NUP153: variants seen among roughly 807,000 people sequenced by gnomAD.
NUP153 encodes nuclear pore complex protein Nup153.
Under a neutral mutation model 134.6 loss-of-function variants are expected in NUP153, and 27 were observed. The observed-to-expected ratio is 0.20, with a 90% CI of 0.15 to 0.28. The LOEUF (loss-of-function observed/expected upper bound fraction) is 0.28. NUP153 is among the 10% of genes least tolerant of loss of function. The pLI is 1.00. For missense variants in NUP153, 1,821 were observed against 1,731.3 expected (o/e 1.05, Z -0.92); for synonymous variants, 640 against 623.5 (o/e 1.03, Z -0.40).
At chr6:17,687,145 A>C (rs531570720) in intron 2 of NUP153, among the ~76,000 whole-genome samples, 33 of 152,182 alleles carry the variant, frequency 2.2e-4, no homozygotes, top group Non-Finnish European at 4.1e-4. Context: ...AGAATAAGAA[A>C]CTCTCCATGT....
At chr6:17,705,837 G>GC (rs373891082) in intron 1 of NUP153, among the ~76,000 whole-genome samples, 9 of 151,810 alleles carry the variant, frequency 5.9e-5, no homozygotes, top group East Asian at 1.9e-4. Flanking sequence ...CCAAGGGGCA[G>GC]CCCCCCCTCC....
At position 17,665,365 on chromosome 6, in the gene NUP153, A is replaced by T. The variant is rs1243578647; in HGVS notation, c.1089T>A (p.Pro363=). ...GCTTTGGGGTCATAAGTCTCTGAACAGGAGGATATTGAGAATCCACCTTAC... is the reference window on the plus strand; with the variant it reads ...GCTTTGGGGTCATAAGTCTCTGAACTGGAGGATATTGAGAATCCACCTTAC... ...KREKVDSQYP[P]VQRLMTPKPV... The change falls in exon 9 of 22, where the codon CCT becomes CCA. Residue 363 remains proline, a synonymous_variant. Transcript: ENST00000262077. 1.2e-6 allele frequency: 2 copies of T among 1,612,560 alleles called. No individual in the cohort carries two copies. Among genetic ancestry groups the T allele is most frequent in the African/African-American group, 2.7e-5 (2 of 74,894 alleles).
chr6:17,672,013 T>TA (rs150640243), intron 5 of NUP153, among the ~76,000 whole-genome samples: 2,557 of 151,184 alleles, frequency 0.017, 77 homozygotes, highest in African/African-American at 0.058. Context: ...ATCTAAAAAA[T>TA]AAAAAAAGCA....
chr6:17,632,460 C>A (rs1408253134), intron 17 of NUP153, among the ~76,000 whole-genome samples, 190 bp downstream of exon 17: 1 of 152,098 alleles, frequency 6.6e-6, no homozygotes, highest in Non-Finnish European at 1.5e-5. Context: ...TCACTGTTGA[C>A]AAGCAACTAA....
At chr6:17,699,497 AG>A (rs1479047454) in intron 1 of NUP153, among the ~76,000 whole-genome samples, 1 of 148,880 alleles carries the variant, frequency 6.7e-6, no homozygotes, top group Non-Finnish European at 1.5e-5. Context: ...AAAAAAAAAA[AG>A]AAAATACAAG....
At chr6:17,631,490 C>T (rs2113776019) in intron 17 of NUP153, among the ~76,000 whole-genome samples, 1 of 152,330 alleles carries the variant, frequency 6.6e-6, no homozygotes, top group South Asian at 2.1e-4. Flanking sequence ...ATTAATTTCT[C>T]ATCATCTACC....
intron 1 of NUP153, among the ~76,000 whole-genome samples, chr6:17,705,971 TAAAG>T (rs1770461775): frequency 6.6e-6 from 1 of 151,972 alleles, no homozygotes; most frequent in African/African-American, 2.4e-5. Flanking sequence ...CGCCAAAAAA[TAAAG>T]AAACGCGCGC....
At chr6:17,685,126 T>G (rs1295087583) in intron 2 of NUP153, among the ~76,000 whole-genome samples, 2 of 152,224 alleles carry the variant, frequency 1.3e-5, no homozygotes, top group East Asian at 1.9e-4. Context: ...ATGTGCAAAG[T>G]GCAATAAAAT....
chr6:17,622,248 GAGAC>G (rs1478052556), intron 20 of NUP153, among the ~76,000 whole-genome samples: 4 of 152,122 alleles, frequency 2.6e-5, no homozygotes, highest in Non-Finnish European at 5.9e-5. Flanking sequence ...TCGGGAGTTA[GAGAC>G]CAGCCTGGAT....
intron 7 of NUP153, 123 bp from the exon 8 acceptor site, chr6:17,669,151 TCA>T: frequency 1.0e-6 from 1 of 988,250 alleles, no homozygotes; most frequent in Non-Finnish European, 1.5e-6. Flanking sequence ...CGATCTTGAC[TCA>T]CTGCAACCTC....
intron 8 of NUP153, 108 bp downstream of exon 8, chr6:17,668,867 C>A: frequency 2.8e-6 from 2 of 704,032 alleles, no homozygotes; most frequent in Non-Finnish European, 4.7e-6. Context: ...TATTATTTTT[C>A]AAACATGTTC....
chr6:17,705,585 T>TGGGG (rs200771105), intron 1 of NUP153, among the ~76,000 whole-genome samples: 2 of 40,140 alleles, frequency 5.0e-5, no homozygotes, highest in African/African-American at 9.6e-5. Flanking sequence ...GTGGCGGTGT[T>TGGGG]GGGGGGGGGG....
At chr6:17,677,483 T>A (rs1768290569) in intron 2 of NUP153, among the ~76,000 whole-genome samples, 1 of 152,234 alleles carries the variant, frequency 6.6e-6, no homozygotes, top group African/African-American at 2.4e-5. Flanking sequence ...CTTAAAACAT[T>A]TAGCATTACA....
intron 11 of NUP153, among the ~76,000 whole-genome samples, chr6:17,656,928 G>C (rs942745423): frequency 6.6e-6 from 1 of 152,134 alleles, no homozygotes; most frequent in African/African-American, 2.4e-5. Context: ...ACTCTAGTTG[G>C]TCATATTAGT....
At chr6:17,664,646 G>A (rs1157447259) in intron 9 of NUP153, among the ~76,000 whole-genome samples, 1 of 152,188 alleles carries the variant, frequency 6.6e-6, no homozygotes, top group African/African-American at 2.4e-5. Flanking sequence ...TTTACTTGCA[G>A]ATAGTTCAAC....
intron 1 of NUP153, among the ~76,000 whole-genome samples, chr6:17,704,089 G>A (rs1361007330): frequency 6.6e-6 from 1 of 152,174 alleles, no homozygotes; most frequent in Admixed American, 6.5e-5. Flanking sequence ...TCAGGAGATC[G>A]AGATCGTCCT....
chr6:17,655,791 A>T (rs1486746726), intron 11 of NUP153, among the ~76,000 whole-genome samples: 1 of 152,162 alleles, frequency 6.6e-6, no homozygotes, highest in Non-Finnish European at 1.5e-5. Flanking sequence ...CCCACTAATT[A>T]TAACTGAAGA....
intron 1 of NUP153, among the ~76,000 whole-genome samples, chr6:17,693,187 C>T (rs1769388618): frequency 2.2e-5 from 2 of 92,686 alleles, no homozygotes; most frequent in South Asian, 2.7e-4. Flanking sequence ...TTTTCCTACA[C>T]ACACACACAC....
At chr6:17,695,682 G>T (rs1769589058) in intron 1 of NUP153, among the ~76,000 whole-genome samples, 1 of 152,114 alleles carries the variant, frequency 6.6e-6, no homozygotes. Flanking sequence ...CTACGGAAAA[G>T]AAATATGCAC....
Sources: gnomAD v4.1 joint callset for allele counts (sites outside exome capture counted in the v4.1 genomes callset) on GRCh38, gnomAD v4.1.1 for gene constraint, MANE v1.5 for transcripts, NCBI Gene and HGNC (gene_info 2026-07-23, HGNC 2026-07-21) for gene names.